NPAS2: variants seen among roughly 807,000 people sequenced by gnomAD.
The protein encoded by NPAS2 is neuronal PAS domain-containing protein 2.
In NPAS2, 23 loss-of-function variants were observed where a neutral mutation model predicts 107.5. That is an observed-to-expected ratio of 0.21 (90% CI 0.15 to 0.30). NPAS2 has a LOEUF of 0.30. Ranked by LOEUF, NPAS2 falls within the 10% of genes least tolerant of loss-of-function variation. The pLI is 1.00. For missense variants in NPAS2, 756 were observed against 1,043.3 expected, an observed-to-expected ratio of 0.72 and a Z score of 3.79; for synonymous variants, 403 against 417.5, an observed-to-expected ratio of 0.97 and a Z score of 0.42.
At chr2:100,935,899 C>A (rs1037710435) in intron 4 of NPAS2, among the ~76,000 whole-genome samples, 1 of 152,192 alleles carries the variant, frequency 6.6e-6, no homozygotes, top group Non-Finnish European at 1.5e-5. Context: ...GCACTATGGT[C>A]ATTTTGGACC....
chr2:100,954,668 AAAAAAAAAAAAAG>A (rs1394300753), intron 7 of NPAS2, among the ~76,000 whole-genome samples: 11 of 104,232 alleles, frequency 1.1e-4, no homozygotes, highest in African/African-American at 3.5e-4. Context: ...GTGTCTCAAA[AAAAAAAAAAAAAG>A]AAAAAAAAGA....
intron 1 of NPAS2, among the ~76,000 whole-genome samples, chr2:100,841,952 A>G (rs1420214327): frequency 6.6e-6 from 1 of 152,194 alleles, no homozygotes; most frequent in Admixed American, 6.5e-5. Context: ...GTGCATGTAC[A>G]TATACACAAG....
chr2:100,870,874 G>T (rs1214183566), intron 1 of NPAS2, among the ~76,000 whole-genome samples: 1 of 152,228 alleles, frequency 6.6e-6, no homozygotes, highest in African/African-American at 2.4e-5. Flanking sequence ...TTCCTGTGGG[G>T]AGTCAATGCT....
chr2:100,879,678 T>G (rs752006576), intron 1 of NPAS2, among the ~76,000 whole-genome samples: 2 of 152,220 alleles, frequency 1.3e-5, no homozygotes, highest in Non-Finnish European at 2.9e-5. Flanking sequence ...ACCTCCTGAT[T>G]CCCTTTTTAG....
chr2:100,855,741 A>G lies in NPAS2; in HGVS notation c.-23+35327A>G, dbSNP rs75602082. 2.8e-4 allele frequency among the ~76,000 whole-genome samples: 43 copies of G among 152,326 alleles called. 1 individual carries two copies. In the East Asian group the frequency reaches 6.4e-3, roughly 23 times the overall value. ...AGCCAGGCATAGGGCCGAATTCAGC[A>G]GTGAGGCAACCAGGCCCATTCCCCA... On this transcript the variant is annotated intron_variant, in intron 1 of 20. Coordinates refer to ENST00000335681, the MANE Select transcript of NPAS2 (RefSeq NM_002518.4).
chr2:100,828,650 A>G (rs973231974), intron 1 of NPAS2, among the ~76,000 whole-genome samples: 16 of 152,144 alleles, frequency 1.1e-4, no homozygotes, highest in Admixed American at 3.3e-4. Flanking sequence ...TACTGAAGAG[A>G]GAGTCCTTTC....
rs116233514 is a variant in NPAS2 at position 100,854,745 on chromosome 2, T to C, written c.-23+34331T>C. ...ATGGCAGGAATCCACAGGAAATAAA[T>C]GCAGGCCAAAATAACTGAAGCCCCA... On this transcript the variant is annotated intron_variant, in intron 1 of 20. Coordinates refer to ENST00000335681, the MANE Select transcript of NPAS2 (RefSeq NM_002518.4). 9.1e-3 allele frequency among the ~76,000 whole-genome samples: 1,390 copies of C among 152,224 alleles called. 21 individuals carry two copies. Among genetic ancestry groups the C allele is most frequent in the African/African-American group, 0.032 (1,327 of 41,524 alleles).
chr2:100,873,199 C>T (rs1266232071), intron 1 of NPAS2, among the ~76,000 whole-genome samples: 1 of 139,346 alleles, frequency 7.2e-6, no homozygotes, highest in Non-Finnish European at 1.5e-5. Context: ...TTGCAGCGAG[C>T]CAAGACTGTG....
chr2:100,979,496 ATATATATTTTTTT>A (rs1436961569), intron 15 of NPAS2, among the ~76,000 whole-genome samples: 25 of 60,714 alleles, frequency 4.1e-4, no homozygotes, highest in South Asian at 7.5e-4. Flanking sequence ...ATATATATAT[ATATATATTTTTTT>A]TTTTTTTTTT....
chr2:100,885,192 C>G (rs548714796), intron 1 of NPAS2, among the ~76,000 whole-genome samples: 1 of 152,110 alleles, frequency 6.6e-6, no homozygotes, highest in Non-Finnish European at 1.5e-5. Flanking sequence ...CCTCATGATC[C>G]GCCTGCCTCG....
At chr2:100,821,514 G>A (rs1173195130) in intron 1 of NPAS2, among the ~76,000 whole-genome samples, 3 of 152,188 alleles carry the variant, frequency 2.0e-5, no homozygotes, top group East Asian at 1.9e-4. Context: ...GCAGAGACGA[G>A]CTAAACCGTC....
intron 1 of NPAS2, among the ~76,000 whole-genome samples, chr2:100,835,673 T>G (rs1677010876): frequency 6.6e-6 from 1 of 152,182 alleles, no homozygotes; most frequent in African/African-American, 2.4e-5. Flanking sequence ...TGGAGTCAGG[T>G]ACATCTTTCT....
At chr2:100,892,093 A>C (rs538964794) in intron 1 of NPAS2, among the ~76,000 whole-genome samples, 36 of 152,316 alleles carry the variant, frequency 2.4e-4, no homozygotes, top group African/African-American at 8.2e-4. Context: ...ACTCAGGTTT[A>C]CACTGTGCCA....
At chr2:100,920,743 C>T (rs1017904152) in intron 2 of NPAS2, among the ~76,000 whole-genome samples, 5 of 152,222 alleles carry the variant, frequency 3.3e-5, no homozygotes. Flanking sequence ...ACTCTTCATG[C>T]TTCTCCCTGG....
chr2:100,920,713 A>G (rs1406687522), intron 2 of NPAS2, among the ~76,000 whole-genome samples: 1 of 152,238 alleles, frequency 6.6e-6, no homozygotes, highest in Non-Finnish European at 1.5e-5. Context: ...GGAAAAAGGA[A>G]TGAAACAGAT....
chr2:100,873,136 C>T (rs1387493031), intron 1 of NPAS2, among the ~76,000 whole-genome samples: 1 of 150,274 alleles, frequency 6.7e-6, no homozygotes, highest in Non-Finnish European at 1.5e-5. Flanking sequence ...AACCTCATCT[C>T]TACTAAAATT....
intron 16 of NPAS2, 30 bp from the exon 17 acceptor site, chr2:100,988,049 A>G (rs1187952522): frequency 1.2e-6 from 2 of 1,608,154 alleles, no homozygotes; most frequent in East Asian, 2.2e-5. Flanking sequence ...CATGACCCCA[A>G]CTTCACAGGC....
chr2:100,900,193 A>G (rs1460883206), intron 1 of NPAS2, among the ~76,000 whole-genome samples: 2 of 152,240 alleles, frequency 1.3e-5, no homozygotes, highest in East Asian at 1.9e-4. Flanking sequence ...TTCACCATTC[A>G]TATTTTCTGA....
chr2:100,867,611 T>C (rs2104557309), intron 1 of NPAS2, among the ~76,000 whole-genome samples: 1 of 152,350 alleles, frequency 6.6e-6, no homozygotes, highest in Non-Finnish European at 1.5e-5. Context: ...GAACAATGTT[T>C]GCTAGGTTTT....
Sources: gnomAD v4.1 joint callset for allele counts (sites outside exome capture counted in the v4.1 genomes callset) on GRCh38, gnomAD v4.1.1 for gene constraint, MANE v1.5 for transcripts, NCBI Gene and HGNC (gene_info 2026-07-23, HGNC 2026-07-21) for gene names.